The following DMD variants were observed in gnomAD, a reference collection of about 807,000 sequenced individuals.
DMD encodes the protein dystrophin.
Under a neutral mutation model 330.1 loss-of-function variants are expected in DMD, and 63 were observed. The ratio of observed to expected loss-of-function variants is 0.19; its 90% CI spans 0.16 to 0.24. The LOEUF (loss-of-function observed/expected upper bound fraction) is 0.24. Ranked by LOEUF, DMD falls within the 10% of genes least tolerant of loss-of-function variation. The pLI is 1.00. For synonymous variants in DMD, 1,223 were observed against 959.8 expected, an observed-to-expected ratio of 1.27 and a Z score of -5.07; for missense variants, 3,344 against 2,684.1, an observed-to-expected ratio of 1.25 and a Z score of -5.43.
At chrX:31,695,640 G>A (rs1376691863) in intron 52 of DMD, among the ~76,000 whole-genome samples, 1 of 110,890 alleles carries the variant, frequency 9.0e-6, no homozygotes, top group Non-Finnish European at 1.9e-5. Context: ...TGAGCCTGGA[G>A]GACATTAGGT....
At position 32,365,146 on chromosome X, in the gene DMD, C is replaced by G; in HGVS notation, c.4899G>C (p.Glu1633Asp). ...KQKVHLKSIT[E>D]VGEALKTVLG... ...AAACTGTTTTCAAGGCCTCTCCTACCTCTGTGATACTCTTCAGGTGCACCT... is the reference window on the plus strand; with the variant it reads ...AAACTGTTTTCAAGGCCTCTCCTACGTCTGTGATACTCTTCAGGTGCACCT... The change falls in exon 35 of 79, where the codon GAG (glutamate) becomes GAC (aspartate). Residue 1633 changes from glutamate (E) to aspartate (D), a missense_variant. By Grantham distance (45) the Glu-to-Asp change is conservative. Coordinates refer to ENST00000357033, the MANE Select transcript of DMD (RefSeq NM_004006.3). 8.3e-7 allele frequency: 1 copy of G among 1,210,811 alleles called. No individual in the cohort carries two copies. The highest frequency in any genetic ancestry group is 1.1e-6 in the Non-Finnish European group (1 of 895,106).
At chrX:31,894,357 TG>T (rs1458142526) in intron 47 of DMD, among the ~76,000 whole-genome samples, 3 of 111,721 alleles carry the variant, frequency 2.7e-5, no homozygotes, top group Non-Finnish European at 3.8e-5. Flanking sequence ...GTCCAGCCCA[TG>T]GGCTTTGCGA....
At chrX:31,371,853 G>C (rs2059590958) in intron 60 of DMD, among the ~76,000 whole-genome samples, 1 of 112,324 alleles carries the variant, frequency 8.9e-6, no homozygotes, top group South Asian at 3.7e-4. Flanking sequence ...TAAGAACTCA[G>C]GTACTGAAGT....
intron 62 of DMD, among the ~76,000 whole-genome samples, chrX:31,309,592 C>G (rs1026464118): frequency 9.0e-6 from 1 of 111,674 alleles, no homozygotes; most frequent in Admixed American, 9.5e-5. Context: ...ATCAGACTCA[C>G]ACAAATCTCA....
chrX:31,762,095 C>G (rs2089640979), intron 51 of DMD, among the ~76,000 whole-genome samples: 1 of 112,518 alleles, frequency 8.9e-6, no homozygotes, highest in Non-Finnish European at 1.9e-5. Flanking sequence ...TGACACATTT[C>G]TGGTTAATGC....
intron 1 of DMD, among the ~76,000 whole-genome samples, chrX:33,226,244 T>G (rs915428859): frequency 2.9e-4 from 32 of 111,413 alleles, no homozygotes; most frequent in African/African-American, 1.0e-3. Context: ...AAATGAAAAT[T>G]TGCTCATAAA....
At chrX:31,738,438 G>A (rs976204973) in intron 51 of DMD, among the ~76,000 whole-genome samples, 5 of 112,173 alleles carry the variant, frequency 4.5e-5, no homozygotes, top group African/African-American at 1.6e-4. Context: ...ATGTTGACAA[G>A]TATGTGAAGA....
At chrX:32,744,904 G>A (rs1461237053) in intron 7 of DMD, among the ~76,000 whole-genome samples, 2 of 111,816 alleles carry the variant, frequency 1.8e-5, no homozygotes, top group Non-Finnish European at 3.8e-5. Flanking sequence ...AGTGATGCGG[G>A]GTGGGAGAGT....
At chrX:31,749,449 C>G (rs2149113452) in intron 51 of DMD, among the ~76,000 whole-genome samples, 1 of 104,028 alleles carries the variant, frequency 9.6e-6, no homozygotes, top group East Asian at 3.1e-4. Flanking sequence ...CAATTTCATC[C>G]ATGTCCCTAC....
At chrX:32,563,979 C>T (rs1439378346) in intron 16 of DMD, among the ~76,000 whole-genome samples, 3 of 111,462 alleles carry the variant, frequency 2.7e-5, no homozygotes. Context: ...GCCCAGTATC[C>T]AATAGTCTTA....
At chrX:31,456,836 ATGTGTGTGTGTGTGTGTGTGTG>A (rs5901988) in intron 59 of DMD, among the ~76,000 whole-genome samples, 115 of 83,253 alleles carry the variant, frequency 1.4e-3, no homozygotes, top group South Asian at 2.7e-3. Context: ...GCCCACATAT[ATGTGTGTGTGTGTGTGTGTGTG>A]TGTGTGTGTG....
At chrX:32,518,954 T>G (rs2148811203) in intron 17 of DMD, among the ~76,000 whole-genome samples, 2 of 107,541 alleles carry the variant, frequency 1.9e-5, no homozygotes, top group South Asian at 4.2e-4. Flanking sequence ...TGAGTTGTTA[T>G]GCTGCCATAA....
intron 57 of DMD, among the ~76,000 whole-genome samples, chrX:31,480,555 TG>T (rs2044239720): frequency 9.1e-5 from 2 of 21,876 alleles, no homozygotes; most frequent in African/African-American, 5.2e-4. Context: ...TCTCCATGTT[TG>T]TGTGTGTGTG....
chrX:32,866,859 A>G (rs1369745888), intron 2 of DMD, among the ~76,000 whole-genome samples: 3 of 109,161 alleles, frequency 2.7e-5, no homozygotes, highest in Admixed American at 9.7e-5. Flanking sequence ...TCAGCCTTCC[A>G]AGTAGCTGGG....
chrX:31,418,150 C>T (rs1196431047), intron 60 of DMD, among the ~76,000 whole-genome samples: 1 of 111,065 alleles, frequency 9.0e-6, no homozygotes, highest in Non-Finnish European at 1.9e-5. Context: ...TATAGACAAC[C>T]AAAGTTTTTT....
chrX:32,823,475 G>T, intron 4 of DMD, 88 bp from the exon 5 acceptor site: 1 of 652,101 alleles, frequency 1.5e-6, no homozygotes, highest in Non-Finnish European at 2.5e-6. Flanking sequence ...GAAGGTAATT[G>T]CATTTAGCTA....
chrX:32,889,864 G>A (rs975387198), intron 2 of DMD, among the ~76,000 whole-genome samples: 2 of 111,151 alleles, frequency 1.8e-5, no homozygotes, highest in Non-Finnish European at 3.8e-5. Flanking sequence ...CCTGTTTGGT[G>A]GTCTCTTCAC....
At chrX:31,266,678 C>G (rs2051156344) in intron 62 of DMD, 1 of 677,710 alleles carries the variant, frequency 1.5e-6, no homozygotes, top group Admixed American at 2.7e-5. Context: ...TTCCTAGACG[C>G]CCAGCCGCCC....
intron 1 of DMD, among the ~76,000 whole-genome samples, chrX:33,090,250 C>G (rs1261192028): frequency 4.6e-5 from 5 of 109,437 alleles, no homozygotes; most frequent in African/African-American, 1.7e-4. Context: ...CCATAAAAAC[C>G]CTCATAAGCC....
Sources: allele counts gnomAD v4.1 joint callset (sites outside exome capture counted in the v4.1 genomes callset), GRCh38; gene constraint gnomAD v4.1.1; transcripts MANE v1.5; gene names NCBI Gene and HGNC (gene_info 2026-07-23, HGNC 2026-07-21).